Variants in ADGRA3 observed in about 807,000 individuals in gnomAD.
ADGRA3 encodes the protein adhesion G protein-coupled receptor A3.
A neutral mutation model predicts 119.8 loss-of-function variants in ADGRA3; 56 were observed. The ratio of observed to expected loss-of-function variants is 0.47; its 90% confidence interval spans 0.38 to 0.58. ADGRA3 has a LOEUF of 0.58. Among genes scored for constraint, ADGRA3 ranks in the 20% least tolerant of loss-of-function variants. ADGRA3 has a pLI of 0.00. For missense variants in ADGRA3, 1,516 were observed against 1,649.0 expected, an observed-to-expected ratio of 0.92 and a Z score of 1.40; for synonymous variants, 607 against 623.8, an observed-to-expected ratio of 0.97 and a Z score of 0.40.
At chr4:22,440,447 A>G (rs1716567536) in intron 7 of ADGRA3, among the ~76,000 whole-genome samples, 1 of 152,160 alleles carries the variant, frequency 6.6e-6, no homozygotes, top group African/African-American at 2.4e-5. Flanking sequence ...TAACCAATGC[A>G]ATAACCACAT....
At chr4:22,488,369 A>C (rs1261655368) in intron 1 of ADGRA3, among the ~76,000 whole-genome samples, 1 of 151,890 alleles carries the variant, frequency 6.6e-6, no homozygotes, top group Non-Finnish European at 1.5e-5. Context: ...AAAAAAAAAA[A>C]AGTCAAAGCC....
intron 1 of ADGRA3, among the ~76,000 whole-genome samples, chr4:22,509,681 T>C (rs1328505765): frequency 6.6e-6 from 1 of 151,878 alleles, no homozygotes; most frequent in Non-Finnish European, 1.5e-5. Flanking sequence ...CCATGCTCCA[T>C]GGGACAAGAT....
intron 12 of ADGRA3, chr4:22,414,105 A>C (rs1015161679): frequency 3.5e-6 from 1 of 283,390 alleles, no homozygotes; most frequent in Non-Finnish European, 6.6e-6. Context: ...TTATATGTTG[A>C]AGTAGATAGC....
chr4:22,474,652 A>G (rs1404385974), intron 1 of ADGRA3, among the ~76,000 whole-genome samples: 1 of 152,122 alleles, frequency 6.6e-6, no homozygotes, highest in African/African-American at 2.4e-5. Flanking sequence ...TAAGAAAATG[A>G]GAAAACCAAG....
intron 16 of ADGRA3, among the ~76,000 whole-genome samples, chr4:22,395,785 T>C (rs1464429761): frequency 6.6e-6 from 1 of 152,162 alleles, no homozygotes; most frequent in African/African-American, 2.4e-5. Flanking sequence ...TATATAGTTA[T>C]AAAATACACA....
chr4:22,401,007 A>T (rs983568624), intron 16 of ADGRA3, among the ~76,000 whole-genome samples: 2 of 152,218 alleles, frequency 1.3e-5, no homozygotes, highest in Non-Finnish European at 2.9e-5. Flanking sequence ...TAAATTCTTC[A>T]TATTTATCTA....
chr4:22,387,988 C>G lies in ADGRA3; in HGVS notation c.3683G>C (p.Arg1228Thr). The G allele has an allele frequency of 6.2e-7, 1 of 1,614,198 alleles. No homozygotes were observed. The highest frequency in any genetic ancestry group is 8.5e-7 in the Non-Finnish European group (1 of 1,180,018). Residue 1228 changes from arginine to threonine, a missense_variant, in exon 19 of 19, where the codon AGA (arginine) becomes ACA (threonine). Coordinates refer to ENST00000334304, the MANE Select transcript of ADGRA3 (RefSeq NM_145290.4). ...CTGGGGTGGGTTGTACTGTCTCTCT[C>G]TGTAGGCTAAATAAGCTCTTCGGCT... ...SRSRRAYLAY[R>T]ERQYNPPQQD...
At chr4:22,446,261 G>C (rs529176907) in intron 5 of ADGRA3, among the ~76,000 whole-genome samples, 10 of 152,098 alleles carry the variant, frequency 6.6e-5, no homozygotes, top group Non-Finnish European at 1.3e-4. Flanking sequence ...TAATTCCTAA[G>C]CACCACTTTA....
intron 1 of ADGRA3, among the ~76,000 whole-genome samples, chr4:22,484,042 G>C (rs915942715): frequency 1.3e-5 from 2 of 151,732 alleles, no homozygotes; most frequent in African/African-American, 4.8e-5. Flanking sequence ...ACCTAACACA[G>C]GCATCCAAAT....
At chr4:22,464,346 T>C (rs920433751) in intron 2 of ADGRA3, among the ~76,000 whole-genome samples, 13 of 152,260 alleles carry the variant, frequency 8.5e-5, no homozygotes, top group African/African-American at 3.1e-4. Flanking sequence ...TGAAAAGATC[T>C]GAAAAAGTCA....
At chr4:22,479,916 G>T (rs181697925) in intron 1 of ADGRA3, among the ~76,000 whole-genome samples, 1 of 152,070 alleles carries the variant, frequency 6.6e-6, no homozygotes, top group Non-Finnish European at 1.5e-5. Context: ...AATACCTCAC[G>T]TTCTCACTTA....
intron 15 of ADGRA3, among the ~76,000 whole-genome samples, chr4:22,402,078 T>G (rs930481039): frequency 1.3e-5 from 2 of 152,220 alleles, no homozygotes; most frequent in Non-Finnish European, 1.5e-5. Flanking sequence ...ATGCCATATA[T>G]GTCTAGCTTA....
At chr4:22,395,215 T>C (rs1206031411) in intron 16 of ADGRA3, among the ~76,000 whole-genome samples, 1 of 152,164 alleles carries the variant, frequency 6.6e-6, no homozygotes, top group Non-Finnish European at 1.5e-5. Context: ...AAAATGGGTA[T>C]AAAATAATTA....
intron 5 of ADGRA3, among the ~76,000 whole-genome samples, chr4:22,446,278 G>A (rs145713940): frequency 6.6e-6 from 1 of 152,188 alleles, no homozygotes; most frequent in South Asian, 2.1e-4. Context: ...TTTATGGTCA[G>A]TTCCTAACAC....
chr4:22,483,828 G>T (rs1237826399), intron 1 of ADGRA3, among the ~76,000 whole-genome samples: 1 of 152,172 alleles, frequency 6.6e-6, no homozygotes, highest in South Asian at 2.1e-4. Flanking sequence ...ATAATTAAAG[G>T]CAGAGAAATA....
At position 22,387,657 on chromosome 4, in the gene ADGRA3, G is replaced by T; in HGVS notation, c.*48C>A. ...TTAAATGCTCATAGCTTCAAGGAAT[G>T]TGAGTATCACAGTTTATATGAATTT... On this transcript the variant is annotated 3_prime_UTR_variant, in exon 19 of 19. Coordinates refer to ENST00000334304, the MANE Select transcript of ADGRA3 (RefSeq NM_145290.4). 6.6e-7 allele frequency: 1 copy of T among 1,516,938 alleles called. No homozygotes were observed. The highest frequency in any genetic ancestry group is 8.9e-7 in the Non-Finnish European group (1 of 1,125,798). 94.0% of individuals were successfully genotyped at this position (1,516,938 alleles called of 1,614,324 possible).
intron 1 of ADGRA3, among the ~76,000 whole-genome samples, chr4:22,479,411 C>T (rs1373496588): frequency 4.6e-5 from 7 of 151,210 alleles, no homozygotes; most frequent in East Asian, 1.9e-4. Flanking sequence ...TGCAGTGAGC[C>T]GAGATCACGC....
At position 22,511,389 on chromosome 4, in the gene ADGRA3, G is replaced by A. The variant is rs137868669; in HGVS notation, c.257+4139C>T. Among the ~76,000 whole-genome samples the A allele has an allele frequency of 2.2e-3, 337 of 152,150 alleles. 4 individuals carry two copies. Among genetic ancestry groups the A allele is most frequent in the African/African-American group, 7.6e-3 (315 of 41,508 alleles). Reference sequence around the variant, plus strand: ...CAATACAAAAGTCTACCTGAGACACGGGGAACACACAGTTAAGCCTAGGAT... The same window carrying A: ...CAATACAAAAGTCTACCTGAGACACAGGGAACACACAGTTAAGCCTAGGAT... On this transcript the variant is annotated intron_variant, in intron 1 of 18. Transcript: ENST00000334304.
intron 2 of ADGRA3, among the ~76,000 whole-genome samples, chr4:22,464,470 G>A (rs1717581432): frequency 6.6e-6 from 1 of 152,144 alleles, no homozygotes; most frequent in South Asian, 2.1e-4. Flanking sequence ...TCTTAACTTG[G>A]AGTAAAAAGA....
Sources: gnomAD v4.1 joint callset for allele counts (sites outside exome capture counted in the v4.1 genomes callset) on GRCh38, gnomAD v4.1.1 for gene constraint, MANE v1.5 for transcripts, NCBI Gene and HGNC (gene_info 2026-07-23, HGNC 2026-07-21) for gene names.